Variants in MAN1A1 observed in about 807,000 individuals in gnomAD.
MAN1A1 encodes the protein mannosyl-oligosaccharide 1,2-alpha-mannosidase IA.
In MAN1A1, 29 loss-of-function variants were observed where a neutral mutation model predicts 70.8. The ratio of observed to expected loss-of-function variants is 0.41; its 90% CI spans 0.31 to 0.56. MAN1A1 has a LOEUF of 0.56. Among genes scored for constraint, MAN1A1 ranks in the 20% least tolerant of loss-of-function variants. MAN1A1 has a pLI of 0.29. For missense variants in MAN1A1, 747 were observed against 841.3 expected, an observed-to-expected ratio of 0.89 and a Z score of 1.39; for synonymous variants, 349 against 330.1, an observed-to-expected ratio of 1.06 and a Z score of -0.62.
intron 6 of MAN1A1, among the ~76,000 whole-genome samples, chr6:119,245,572 T>C (rs1364947684): frequency 6.6e-6 from 1 of 152,150 alleles, no homozygotes; most frequent in Non-Finnish European, 1.5e-5. Context: ...TGTACTTGAT[T>C]AGGCAAAGGA....
chr6:119,246,670 G>T, intron 6 of MAN1A1, among the ~76,000 whole-genome samples: 1 of 152,112 alleles, frequency 6.6e-6, no homozygotes, highest in East Asian at 1.9e-4. Flanking sequence ...TTTGTGACCA[G>T]ATCTTGTTTT....
intron 6 of MAN1A1, among the ~76,000 whole-genome samples, chr6:119,232,691 G>A (rs1774720473): frequency 6.9e-6 from 1 of 145,240 alleles, no homozygotes; most frequent in African/African-American, 2.6e-5. Context: ...GTGTGTGTGT[G>A]TGTGTGTGTG....
intron 2 of MAN1A1, among the ~76,000 whole-genome samples, chr6:119,337,623 C>T (rs1251132743): frequency 1.3e-5 from 2 of 152,188 alleles, no homozygotes; most frequent in Non-Finnish European, 2.9e-5. Flanking sequence ...AGAAGTACTT[C>T]CAACCCTACA....
chr6:119,238,590 A>G (rs1014653315), intron 6 of MAN1A1, among the ~76,000 whole-genome samples: 3 of 152,206 alleles, frequency 2.0e-5, no homozygotes, highest in Non-Finnish European at 4.4e-5. Context: ...AATTAAGTCA[A>G]TAAGAGCTTT....
intron 6 of MAN1A1, among the ~76,000 whole-genome samples, chr6:119,224,307 C>G (rs924260116): frequency 3.9e-5 from 6 of 152,212 alleles, no homozygotes; most frequent in Non-Finnish European, 8.8e-5. Flanking sequence ...CCATGCTCTA[C>G]TCAGGATACA....
chr6:119,349,578 C>A lies in MAN1A1; in HGVS notation c.-259G>T. 1 of 986,032 alleles carries A rather than the reference C, an allele frequency of 1.0e-6. No individual in the cohort carries two copies. The highest frequency in any genetic ancestry group is 1.2e-6 in the Non-Finnish European group (1 of 830,106). 61.1% of individuals were successfully genotyped at this position (986,032 alleles called of 1,614,324 possible). ...AGGGGCGCAGCGTGGGCGGGAGACT[C>A]GTCAACTTCGCCCGCTCCCCATCTC... On this transcript the variant is annotated 5_prime_UTR_variant, in exon 1 of 13. Transcript: ENST00000368468.
intron 2 of MAN1A1, among the ~76,000 whole-genome samples, chr6:119,315,403 T>TA (rs1452719998): frequency 6.6e-6 from 1 of 152,234 alleles, no homozygotes; most frequent in African/African-American, 2.4e-5. Context: ...AGAATTCTAG[T>TA]AATCACTACT....
intron 5 of MAN1A1, chr6:119,269,120 G>T: frequency 6.1e-6 from 1 of 165,270 alleles, no homozygotes. Context: ...GGAATAAACA[G>T]TCTTTAGTGG....
rs189590718 is a variant in MAN1A1, at chr6:119,339,417, T to C, written c.603+9046A>G. ...TCCAAGGGACTGGTTAAATAAAGTA[T>C]CATGTTTTGACATGGATATACTGTG... On this transcript the variant is annotated intron_variant, in intron 2 of 12. Transcript: ENST00000368468. 1.9e-3 allele frequency among the ~76,000 whole-genome samples: 288 copies of C among 152,330 alleles called. 3 individuals carry two copies. Among genetic ancestry groups the C allele is most frequent in the African/African-American group, 6.6e-3 (273 of 41,578 alleles).
At chr6:119,250,131 A>G (rs1292282916) in intron 5 of MAN1A1, among the ~76,000 whole-genome samples, 1 of 152,200 alleles carries the variant, frequency 6.6e-6, no homozygotes, top group Non-Finnish European at 1.5e-5. Context: ...TCTCTGCCTT[A>G]CCCCAGAGAA....
intron 5 of MAN1A1, among the ~76,000 whole-genome samples, chr6:119,285,169 T>C (rs948643038): frequency 2.1e-4 from 30 of 146,144 alleles, no homozygotes; most frequent in Admixed American, 3.4e-4. Context: ...AGAGACAGAA[T>C]CTGGCTTTTA....
At chr6:119,337,905 TA>T (rs1486579759) in intron 2 of MAN1A1, among the ~76,000 whole-genome samples, 1 of 152,166 alleles carries the variant, frequency 6.6e-6, no homozygotes. Flanking sequence ...ATACGTTTTT[TA>T]CTACATAAAG....
intron 2 of MAN1A1, among the ~76,000 whole-genome samples, chr6:119,308,016 C>G (rs1772580300): frequency 6.6e-6 from 1 of 152,188 alleles, no homozygotes; most frequent in Non-Finnish European, 1.5e-5. Context: ...TAACTCACCA[C>G]TATTACTACC....
intron 5 of MAN1A1, among the ~76,000 whole-genome samples, chr6:119,277,908 G>A (rs1437185706): frequency 1.5e-5 from 2 of 133,950 alleles, no homozygotes; most frequent in Non-Finnish European, 3.1e-5. Flanking sequence ...CTGCACTCCA[G>A]CCTGGGCGAC....
chr6:119,189,559 G>C, intron 10 of MAN1A1, 105 bp downstream of exon 10: 1 of 964,822 alleles, frequency 1.0e-6, no homozygotes, highest in South Asian at 1.4e-5. Flanking sequence ...CGATCATCAA[G>C]CTTCATAGGC....
intron 3 of MAN1A1, among the ~76,000 whole-genome samples, chr6:119,306,259 T>C (rs1211694247): frequency 6.6e-6 from 1 of 152,190 alleles, no homozygotes; most frequent in Admixed American, 6.6e-5. Flanking sequence ...GGCAGCTCTG[T>C]GACCCAAAGA....
intron 4 of MAN1A1, among the ~76,000 whole-genome samples, chr6:119,296,021 G>C (rs1420739253): frequency 6.6e-6 from 1 of 152,136 alleles, no homozygotes; most frequent in African/African-American, 2.4e-5. Flanking sequence ...CCTATGTTTA[G>C]GCTTAGCATA....
intron 3 of MAN1A1, among the ~76,000 whole-genome samples, chr6:119,302,395 T>G (rs1190952193): frequency 6.6e-6 from 1 of 152,082 alleles, no homozygotes; most frequent in Non-Finnish European, 1.5e-5. Flanking sequence ...TCTTTTTTTT[T>G]TTTTGAGATG....
chr6:119,313,972 G>A (rs1281540582), intron 2 of MAN1A1, among the ~76,000 whole-genome samples: 1 of 151,916 alleles, frequency 6.6e-6, no homozygotes, highest in Non-Finnish European at 1.5e-5. Context: ...GCTGGCTAAG[G>A]GTTAAAAAAA....
Sources: allele counts gnomAD v4.1 joint callset (sites outside exome capture counted in the v4.1 genomes callset), GRCh38; gene constraint gnomAD v4.1.1; transcripts MANE v1.5; gene names NCBI Gene and HGNC (gene_info 2026-07-23, HGNC 2026-07-21).